SLC8A2: variants seen among roughly 807,000 people sequenced by gnomAD.
The protein encoded by SLC8A2 is solute carrier family 8 member A2.
In SLC8A2, 14 loss-of-function variants were observed where a neutral mutation model predicts 70.2. The ratio of observed to expected loss-of-function variants is 0.20; its 90% CI spans 0.13 to 0.31. The LOEUF (loss-of-function observed/expected upper bound fraction) is 0.31. Ranked by LOEUF, SLC8A2 falls within the 10% of genes least tolerant of loss-of-function variation. The pLI is 1.00. For missense variants in SLC8A2, 779 were observed against 1,320.1 expected, an observed-to-expected ratio of 0.59 and a Z score of 6.35; for synonymous variants, 575 against 594.3, an observed-to-expected ratio of 0.97 and a Z score of 0.47.
chr19:47,447,609 GCCCCGC>G lies in SLC8A2; in HGVS notation c.1763+194_1763+199del. On this transcript the variant is annotated intron_variant, in intron 4 of 9. Transcript: ENST00000236877. This position sits in a 1 kb window ranked among gnomAD's most constrained non-coding sequence, Gnocchi z 5.1. ...CCTGAGGGCCCAGCTGTTCAGTGAA[GCCCCGC>G]CCACGTCGTGGGCATGGGTCACAGG... 1 of 391,276 alleles carries G rather than the reference GCCCCGC, an allele frequency of 2.6e-6. No homozygotes were observed. The highest frequency in any genetic ancestry group is 4.5e-6 in the Non-Finnish European group (1 of 224,304). 24.2% of individuals were successfully genotyped at this position (391,276 alleles called of 1,614,324 possible).
At chr19:47,454,709 A>G (rs968352787) in intron 3 of SLC8A2, among the ~76,000 whole-genome samples, 3 of 152,006 alleles carry the variant, frequency 2.0e-5, no homozygotes, top group African/African-American at 7.3e-5. Flanking sequence ...CAAGCGCTGG[A>G]AAGAGAAGTG....
intron 9 of SLC8A2, among the ~76,000 whole-genome samples, chr19:47,431,092 G>A (rs951473852): frequency 1.1e-4 from 17 of 152,040 alleles, no homozygotes; most frequent in Non-Finnish European, 2.1e-4. Context: ...ACAGTGGTGC[G>A]ATCATGGCTC....
intron 6 of SLC8A2, among the ~76,000 whole-genome samples, chr19:47,439,225 C>T (rs1398533584): frequency 1.3e-5 from 2 of 152,198 alleles, no homozygotes; most frequent in African/African-American, 4.8e-5. Flanking sequence ...TAGGAACACT[C>T]TCGTAAAACT....
intron 3 of SLC8A2, among the ~76,000 whole-genome samples, chr19:47,456,069 T>A (rs1413224005): frequency 6.6e-6 from 1 of 152,248 alleles, no homozygotes; most frequent in African/African-American, 2.4e-5. Context: ...CTTGTTCCCA[T>A]GGTACACCCA....
rs1390693511 is a variant in SLC8A2, at chr19:47,430,220, G to A, written c.2635C>T (p.Pro879Ser). The change falls in exon 10 of 10, where the codon CCG (proline) becomes TCG (serine). Residue 879 changes from proline (P) to serine (S), a missense_variant. Physicochemically the swap from Pro to Ser is moderately conservative, Grantham distance 74 (BLOSUM62 -1). This residue lies in a region of SLC8A2 where 108 missense variants were observed against 269.6 expected (regional missense o/e 0.40). Coordinates refer to ENST00000236877, the MANE Select transcript of SLC8A2 (RefSeq NM_015063.3). This position sits in a 1 kb window ranked among gnomAD's most constrained non-coding sequence, Gnocchi z 5.9. ...GIAVLLYRRR[P>S]HIGGELGGPR... ...CCGCCCAGCTCGCCGCCGATGTGCG[G>A]CCGGCGCCGGTACAGCAGCACGGCA... is the stretch of plus-strand genomic sequence containing the variant. 5 of 1,608,604 alleles carry A rather than the reference G, an allele frequency of 3.1e-6. No individual in the cohort carries two copies. The Admixed American group carries it at 8.4e-5, about 27-fold the overall frequency.
Position 47,463,679 on chromosome 19 carries a change from C to CAAA in SLC8A2, c.675+2047_675+2049dup, listed in dbSNP as rs200422472. 2.7e-3 allele frequency among the ~76,000 whole-genome samples: 328 copies of CAAA among 120,106 alleles called. 3 individuals are homozygous for CAAA. Among genetic ancestry groups the CAAA allele is most frequent in the African/African-American group, 8.7e-3 (300 of 34,536 alleles). The allele number at this position is 120,106 out of a possible 152,430, so 78.8% of individuals were successfully genotyped here. A position where few individuals can be genotyped will look rare whatever the true frequency, so the allele number is the denominator to read the frequency against. ...AGAGCGACAGAGAAAGACTCTGTCT[C>CAAA]AAAAAAAAAAAAAAAGAAAGAAATA... is the stretch of plus-strand genomic sequence containing the variant. On this transcript the variant is annotated intron_variant, in intron 2 of 9. Transcript: ENST00000236877.
rs571690557 is a variant in SLC8A2 at position 47,465,458 on chromosome 19, T to C, written c.675+271A>G. 3.3e-5 allele frequency among the ~76,000 whole-genome samples: 5 copies of C among 152,274 alleles called. No individual in the cohort carries two copies. Among genetic ancestry groups the C allele is most frequent in the South Asian group, 2.1e-4 (1 of 4,828 alleles). On this transcript the variant is annotated intron_variant, in intron 2 of 9. Coordinates refer to ENST00000236877, the MANE Select transcript of SLC8A2 (RefSeq NM_015063.3). The surrounding 1 kb of genome is among the most constrained non-coding windows in gnomAD (Gnocchi z 5.5). ...TGTACTGTTCTTAAGTGCAAAACAG[T>C]GCGTCCCTCTGGACAAATAAATGTT...
intron 8 of SLC8A2, among the ~76,000 whole-genome samples, chr19:47,435,630 C>T (rs1457061382): frequency 2.0e-5 from 3 of 151,100 alleles, no homozygotes; most frequent in African/African-American, 4.9e-5. Context: ...CTCACCGCAA[C>T]CTCTGCCTCC....
At chr19:47,470,386 C>CACACACACACA (rs1555751643) in intron 1 of SLC8A2, among the ~76,000 whole-genome samples, 1 of 149,644 alleles carries the variant, frequency 6.7e-6, no homozygotes, top group African/African-American at 2.4e-5. Context: ...CACACACACA[C>CACACACACACA]ACCAGGGCTA....
rs1966977840 is a variant in SLC8A2, at chr19:47,432,479, C to CA, written c.2111-35dup. On this transcript the variant is annotated intron_variant, in intron 8 of 9. Transcript: ENST00000236877. The surrounding 1 kb of genome is among the most constrained non-coding windows in gnomAD (Gnocchi z 6.2). ...ACACGACCCAGCTGGGGCATACACT[C>CA]AGACTTCCTTCCTTGCCTACAGAGG... The CA allele has an allele frequency of 6.5e-7, 1 of 1,537,548 alleles. No individual in the cohort carries two copies. The highest frequency in any genetic ancestry group is 1.2e-5 in the South Asian group (1 of 80,116).
intron 2 of SLC8A2, among the ~76,000 whole-genome samples, chr19:47,463,597 G>A (rs917320447): frequency 4.7e-5 from 7 of 149,486 alleles, no homozygotes; most frequent in Non-Finnish European, 8.9e-5. Flanking sequence ...CTGACGTGGT[G>A]GAACACACCT....
intron 8 of SLC8A2, among the ~76,000 whole-genome samples, chr19:47,434,917 C>T (rs1012825603): frequency 7.9e-5 from 12 of 152,068 alleles, no homozygotes; most frequent in Admixed American, 6.6e-4. Flanking sequence ...ACTCAAGACA[C>T]GATAGGGTCA....
intron 2 of SLC8A2, among the ~76,000 whole-genome samples, chr19:47,460,924 T>C (rs1240954026): frequency 6.7e-6 from 1 of 150,238 alleles, no homozygotes; most frequent in Non-Finnish European, 1.5e-5. Flanking sequence ...GATAAAAGAG[T>C]ATTTATGGGC....
chr19:47,437,788 G>A, intron 7 of SLC8A2, 61 bp downstream of exon 7: 1 of 1,603,908 alleles, frequency 6.2e-7, no homozygotes, highest in Non-Finnish European at 8.5e-7. Flanking sequence ...CCGCTTTCCG[G>A]ACCCTCCCCA....
Position 47,457,424 on chromosome 19 carries a change from C to T in SLC8A2, c.846G>A (p.Leu282=), listed in dbSNP as rs1433952596. ...CCTCGGCGCCCACGAACGTGCCGTC[C>T]AGCTCGATGCTCTTCGGGGGGTCGC... ...AEGDPPKSIE[L]DGTFVGAEAP... The change falls in exon 3 of 10, where the codon CTG becomes CTA. Residue 282 remains leucine, a synonymous_variant. Transcript: ENST00000236877. 20 of 1,596,944 alleles carry T rather than the reference C, an allele frequency of 1.3e-5. No homozygotes were observed. The highest frequency in any genetic ancestry group is 8.1e-5 in the African/African-American group (6 of 73,802).
In SLC8A2 at chr19:47,466,347, G is replaced by A. The variant is rs373604353; in HGVS notation, c.57C>T (p.Ser19=). The A allele has an allele frequency of 2.7e-4, 387 of 1,447,268 alleles. No homozygotes were observed. The highest frequency in any genetic ancestry group is 1.9e-3 in the South Asian group (133 of 70,230). The allele number at this position is 1,447,268 out of a possible 1,614,324, so 89.7% of individuals were successfully genotyped here. A position where few individuals can be genotyped will look rare whatever the true frequency, so the allele number is the denominator to read the frequency against. ...VTLLLAAPPC[S]GAATPTPSLP... ...GGGAGGGGGTTGGGGTGGCTGCCCC[G>A]GAGCATGGGGGAGCCGCCAGGAGGA... is the stretch of plus-strand genomic sequence containing the variant. The change falls in exon 2 of 10, where the codon TCC becomes TCT. Residue 19 remains serine (S), a synonymous_variant. Transcript: ENST00000236877. The surrounding 1 kb of genome is among the most constrained non-coding windows in gnomAD (Gnocchi z 6.9).
chr19:47,442,306 C>A (rs181644580), intron 4 of SLC8A2, among the ~76,000 whole-genome samples: 29 of 152,252 alleles, frequency 1.9e-4, no homozygotes, highest in Admixed American at 1.8e-3. Flanking sequence ...TCAAGAGCAG[C>A]CAGAGTGATC....
chr19:47,446,172 G>A (rs559030042), intron 4 of SLC8A2, among the ~76,000 whole-genome samples: 19 of 152,170 alleles, frequency 1.2e-4, no homozygotes, highest in Admixed American at 1.2e-3. Context: ...AGCGCGGTGG[G>A]GACTCCGCTT....
intron 8 of SLC8A2, among the ~76,000 whole-genome samples, chr19:47,434,753 C>G (rs889282350): frequency 7.9e-5 from 12 of 152,216 alleles, no homozygotes; most frequent in Admixed American, 3.3e-4. Context: ...CTACCCTTCT[C>G]CCTCACCCCT....
Sources: gnomAD v4.1 joint callset for allele counts (sites outside exome capture counted in the v4.1 genomes callset) on GRCh38, gnomAD v4.1.1 for gene constraint, gnomAD v4.1.1 regional missense constraint, Gnocchi (gnomAD v3.1) non-coding constraint, MANE v1.5 for transcripts, NCBI Gene and HGNC (gene_info 2026-07-23, HGNC 2026-07-21) for gene names.